The following GMDS variants were observed in gnomAD, a reference collection of about 807,000 sequenced individuals.
GMDS encodes the protein GDP-mannose 4,6-dehydratase.
GMDS carries 20 observed loss-of-function variants against 49.9 expected under a neutral mutation model. The observed-to-expected ratio is 0.40, with a 90% confidence interval of 0.28 to 0.58. The LOEUF (loss-of-function observed/expected upper bound fraction) is 0.58. GMDS is among the 20% of genes least tolerant of loss of function. GMDS has a pLI of 0.42. For synonymous variants in GMDS, 177 were observed against 178.6 expected (o/e 0.99, Z 0.07); for missense variants, 362 against 481.4 (o/e 0.75, Z 2.32).
chr6:2,120,719 C>T (rs1466962131), intron 2 of GMDS, among the ~76,000 whole-genome samples: 2 of 152,180 alleles, frequency 1.3e-5, no homozygotes, highest in East Asian at 3.9e-4. Context: ...GTGCTGGAAA[C>T]ACACTTAGAA....
intron 7 of GMDS, among the ~76,000 whole-genome samples, chr6:1,916,036 G>T (rs1431953201): frequency 6.6e-6 from 1 of 152,204 alleles, no homozygotes; most frequent in Non-Finnish European, 1.5e-5. Flanking sequence ...CGCAGGCTTC[G>T]CAGGTGGAAG....
chr6:1,982,508 T>C (rs1358461856), intron 4 of GMDS, among the ~76,000 whole-genome samples: 8 of 152,196 alleles, frequency 5.3e-5, no homozygotes, highest in Non-Finnish European at 8.8e-5. Context: ...CAAAAACTTC[T>C]GAAGTTGATA....
At chr6:1,678,839 T>TA (rs1202861091) in intron 9 of GMDS, among the ~76,000 whole-genome samples, 1 of 152,244 alleles carries the variant, frequency 6.6e-6, no homozygotes, top group Admixed American at 6.5e-5. Flanking sequence ...AAGCTTTACA[T>TA]ATTTCCTTTT....
At chr6:1,849,610 T>C (rs1046332798) in intron 7 of GMDS, among the ~76,000 whole-genome samples, 14 of 152,246 alleles carry the variant, frequency 9.2e-5, no homozygotes, top group Non-Finnish European at 1.9e-4. Flanking sequence ...GTACTTAAGT[T>C]ATGTGGAATA....
chr6:1,626,043 G>C (rs1297859946), intron 9 of GMDS: 1 of 152,240 alleles, frequency 6.6e-6, no homozygotes, highest in Non-Finnish European at 1.5e-5. Flanking sequence ...TTGGCAGGTG[G>C]GGAATTTGTT....
intron 4 of GMDS, among the ~76,000 whole-genome samples, chr6:1,964,722 T>C (rs1374150365): frequency 2.0e-5 from 3 of 152,206 alleles, no homozygotes; most frequent in African/African-American, 7.2e-5. Context: ...GGGGTACATG[T>C]GCACAGTGCG....
chr6:1,984,900 C>T (rs916492063), intron 4 of GMDS, among the ~76,000 whole-genome samples: 5 of 152,124 alleles, frequency 3.3e-5, no homozygotes, highest in African/African-American at 1.2e-4. Flanking sequence ...CACAAAGCTA[C>T]TGAAAAACAA....
chr6:2,064,608 G>A (rs1334936580), intron 4 of GMDS, among the ~76,000 whole-genome samples: 1 of 152,128 alleles, frequency 6.6e-6, no homozygotes, highest in Non-Finnish European at 1.5e-5. Context: ...TATTACCCAT[G>A]CCCCTTCATC....
chr6:1,693,983 G>C (rs1765255939), intron 9 of GMDS, among the ~76,000 whole-genome samples: 3 of 152,204 alleles, frequency 2.0e-5, no homozygotes, highest in Non-Finnish European at 4.4e-5. Context: ...ACAACTAGCA[G>C]GTGACAGGGC....
intron 4 of GMDS, among the ~76,000 whole-genome samples, chr6:1,968,222 T>C (rs796781240): frequency 2.2e-4 from 33 of 152,340 alleles, no homozygotes; most frequent in African/African-American, 7.7e-4. Context: ...ATATAATATA[T>C]TGACTAGTCA....
intron 9 of GMDS, among the ~76,000 whole-genome samples, chr6:1,674,442 GCTT>G (rs1764530560): frequency 6.6e-6 from 1 of 151,588 alleles, no homozygotes; most frequent in Non-Finnish European, 1.5e-5. Flanking sequence ...GTATTGCAAA[GCTT>G]CTTCTCCCAG....
chr6:2,149,183 T>A (rs183335253), intron 1 of GMDS, among the ~76,000 whole-genome samples: 1 of 152,114 alleles, frequency 6.6e-6, no homozygotes, highest in Non-Finnish European at 1.5e-5. Context: ...TTGGAATGCT[T>A]AGCTCACAGA....
intron 1 of GMDS, among the ~76,000 whole-genome samples, chr6:2,155,678 A>G (rs1777079648): frequency 6.6e-6 from 1 of 152,128 alleles, no homozygotes; most frequent in Admixed American, 6.6e-5. Flanking sequence ...TTAATGGAGC[A>G]CTCTGGGATA....
At chr6:2,180,375 C>T (rs1434309712) in intron 1 of GMDS, among the ~76,000 whole-genome samples, 1 of 152,152 alleles carries the variant, frequency 6.6e-6, no homozygotes, top group Non-Finnish European at 1.5e-5. Context: ...TGACCAGGGG[C>T]TAGGTCCAGT....
At chr6:2,186,135 A>G (rs1199361418) in intron 1 of GMDS, among the ~76,000 whole-genome samples, 8 of 152,220 alleles carry the variant, frequency 5.3e-5, no homozygotes, top group Non-Finnish European at 1.2e-4. Context: ...CTAGGAACCA[A>G]TGAAATTTGC....
intron 6 of GMDS, among the ~76,000 whole-genome samples, chr6:1,957,786 G>C (rs1324144496): frequency 6.6e-6 from 1 of 152,088 alleles, no homozygotes; most frequent in Non-Finnish European, 1.5e-5. Flanking sequence ...GTTACTTTTA[G>C]AACATTTTTT....
intron 4 of GMDS, among the ~76,000 whole-genome samples, chr6:2,109,962 C>T (rs571895071): frequency 1.3e-5 from 2 of 152,350 alleles, no homozygotes; most frequent in African/African-American, 4.8e-5. Context: ...GCTCTACTCA[C>T]ACCTCCCTGT....
chr6:1,935,235 C>A (rs181295032), intron 6 of GMDS, among the ~76,000 whole-genome samples: 28 of 152,270 alleles, frequency 1.8e-4, no homozygotes, highest in Admixed American at 1.2e-3. Context: ...TCATAGTCTC[C>A]TCTGTGTACT....
At chr6:2,187,035 C>G (rs115767203) in intron 1 of GMDS, among the ~76,000 whole-genome samples, 1 of 152,152 alleles carries the variant, frequency 6.6e-6, no homozygotes, top group African/African-American at 2.4e-5. Flanking sequence ...TTTAGTCAAT[C>G]GTATTTCCTA....
Sources: allele counts gnomAD v4.1 joint callset (sites outside exome capture counted in the v4.1 genomes callset), GRCh38; gene constraint gnomAD v4.1.1; transcripts MANE v1.5; gene names NCBI Gene and HGNC (gene_info 2026-07-23, HGNC 2026-07-21).